NTRK2: variants seen among roughly 807,000 people sequenced by gnomAD.
NTRK2 encodes neurotrophic receptor tyrosine kinase 2, also known as BDNF/NT-3 growth factors receptor.
NTRK2 carries 13 observed loss-of-function variants against 94.5 expected under a neutral mutation model. The observed-to-expected ratio is 0.14, with a 90% CI of 0.09 to 0.22. The LOEUF (loss-of-function observed/expected upper bound fraction) is 0.22, where lower values mean the gene tolerates loss of function less well. Ranked by LOEUF, NTRK2 falls within the 10% of genes least tolerant of loss-of-function variation. The probability of loss-of-function intolerance (pLI) is 1.00; values close to 1 mark genes in which losing one functional copy is unlikely to be tolerated. For synonymous variants in NTRK2, 372 were observed against 407.4 expected (o/e 0.91, Z 1.05); for missense variants, 639 against 1,071.2 (o/e 0.60, Z 5.63).
intron 17 of NTRK2, among the ~76,000 whole-genome samples, chr9:84,970,739 C>A (rs1826096220): frequency 6.6e-6 from 1 of 152,216 alleles, no homozygotes; most frequent in Non-Finnish European, 1.5e-5. Flanking sequence ...AATCCCCCAT[C>A]CTATCCAGCA....
At chr9:84,992,455 C>A (rs1035257011) in intron 17 of NTRK2, among the ~76,000 whole-genome samples, 4 of 152,050 alleles carry the variant, frequency 2.6e-5, no homozygotes, top group South Asian at 4.2e-4. Flanking sequence ...CCTCTGATAC[C>A]AGTGCTCACT....
chr9:84,995,100 T>C (rs1292258562), intron 17 of NTRK2, among the ~76,000 whole-genome samples: 1 of 152,196 alleles, frequency 6.6e-6, no homozygotes, highest in Non-Finnish European at 1.5e-5. Context: ...CAGAAAACCC[T>C]TGGGAAAAGT....
chr9:84,753,578 G>A lies in NTRK2; in HGVS notation c.1396+1493G>A, dbSNP rs139644478. Among the ~76,000 whole-genome samples, 8 of 152,264 alleles carry A rather than the reference G, an allele frequency of 5.3e-5. No homozygotes were observed. In the East Asian group the frequency reaches 7.7e-4, roughly 15 times the overall value. Reference sequence around the variant, plus strand: ...GTGACAAGATGTTGGTAGAGACATCGCAAACCAAACTCACCCACAGCTTTG... The same window carrying A: ...GTGACAAGATGTTGGTAGAGACATCACAAACCAAACTCACCCACAGCTTTG... On this transcript the variant is annotated intron_variant, in intron 12 of 18. Coordinates refer to ENST00000277120, the MANE Select transcript of NTRK2 (RefSeq NM_006180.6).
At position 84,934,280 on chromosome 9, in the gene NTRK2, G is replaced by C. The variant is rs745611356; in HGVS notation, c.1752G>C (p.Leu584Phe). 46 of 1,613,886 alleles carry C rather than the reference G, an allele frequency of 2.9e-5. No individual in the cohort carries two copies. In the East Asian group the frequency reaches 1.0e-3, roughly 36 times the overall value. Reference sequence around the variant, plus strand: ...TCTGTCCTGAGCAGGACAAGATCTTGGTGGCAGTGAAGGTAAGAGAACATT... The same window carrying C: ...TCTGTCCTGAGCAGGACAAGATCTTCGTGGCAGTGAAGGTAAGAGAACATT... Reference protein sequence around the residue: ...YNLCPEQDKILVAVKTLKDAS... With the variant: ...YNLCPEQDKIFVAVKTLKDAS... Residue 584 changes from leucine to phenylalanine, a missense_variant, in exon 15 of 19, where the codon TTG (leucine) becomes TTC (phenylalanine). Coordinates refer to ENST00000277120, the MANE Select transcript of NTRK2 (RefSeq NM_006180.6).
At chr9:84,931,416 A>AAGAGAGAGAGAG (rs60534679) in intron 14 of NTRK2, among the ~76,000 whole-genome samples, 1 of 147,820 alleles carries the variant, frequency 6.8e-6, no homozygotes, top group Non-Finnish European at 1.5e-5. Flanking sequence ...CAAAAAAAAA[A>AAGAGAGAGAGAG]AGAGAGAGAG....
chr9:84,689,066 C>T (rs1474588920), intron 2 of NTRK2, among the ~76,000 whole-genome samples: 1 of 152,212 alleles, frequency 6.6e-6, no homozygotes, highest in African/African-American at 2.4e-5. Flanking sequence ...ATGTAGAATG[C>T]TTATAGCAGT....
At chr9:84,775,397 T>C (rs2066934911) in intron 12 of NTRK2, among the ~76,000 whole-genome samples, 2 of 152,228 alleles carry the variant, frequency 1.3e-5, no homozygotes, top group South Asian at 4.1e-4. Context: ...TTATTTTCCC[T>C]GTTATGCTTA....
At chr9:84,749,212 G>T (rs945378554) in intron 11 of NTRK2, among the ~76,000 whole-genome samples, 4 of 151,820 alleles carry the variant, frequency 2.6e-5, no homozygotes, top group African/African-American at 4.8e-5. Context: ...TAGGCAACAG[G>T]AGCGAAACTC....
In NTRK2 at chr9:84,782,062, A is replaced by ACT. The variant is rs1165433919; in HGVS notation, c.1396+29978_1396+29979insTC. 9.3e-5 allele frequency among the ~76,000 whole-genome samples: 14 copies of ACT among 151,040 alleles called. No homozygotes were observed. The East Asian group carries it at 1.8e-3, about 19-fold the overall frequency. On this transcript the variant is annotated intron_variant, in intron 12 of 18. Coordinates refer to ENST00000277120, the MANE Select transcript of NTRK2 (RefSeq NM_006180.6). Reference sequence around the variant, plus strand: ...AACACACACACACACACACACACACACACACAAACACACACACCCACAAAC... The same window carrying ACT: ...AACACACACACACACACACACACACACTCACACAAACACACACACCCACAAAC...
chr9:84,774,460 C>A (rs964399647), intron 12 of NTRK2, among the ~76,000 whole-genome samples: 6 of 152,194 alleles, frequency 3.9e-5, no homozygotes, highest in Non-Finnish European at 8.8e-5. Flanking sequence ...ACCCTTTCTG[C>A]ACATAAAGAA....
At chr9:84,779,388 C>A (rs183606206) in intron 12 of NTRK2, among the ~76,000 whole-genome samples, 119 of 152,300 alleles carry the variant, frequency 7.8e-4, no homozygotes, top group African/African-American at 2.8e-3. Context: ...GCTGTTGAGG[C>A]TAAGGCCAAA....
At chr9:84,936,286 G>A (rs1045559667) in intron 15 of NTRK2, among the ~76,000 whole-genome samples, 3 of 152,188 alleles carry the variant, frequency 2.0e-5, no homozygotes, top group African/African-American at 4.8e-5. Flanking sequence ...AGAGTGTGTT[G>A]CGTAGCTGAA....
chr9:84,673,109 A>G (rs979894682), intron 2 of NTRK2, among the ~76,000 whole-genome samples: 1 of 152,084 alleles, frequency 6.6e-6, no homozygotes, highest in Non-Finnish European at 1.5e-5. Flanking sequence ...GAGACAAAGT[A>G]TGTTTCTCTG....
chr9:84,872,534 C>G (rs1217523642), intron 14 of NTRK2: 1 of 1,065,392 alleles, frequency 9.4e-7, no homozygotes, highest in African/African-American at 1.6e-5. Context: ...TTTGTACTTG[C>G]AGAGCATGCC....
At chr9:84,806,425 G>T (rs1181198799) in intron 12 of NTRK2, among the ~76,000 whole-genome samples, 1 of 152,204 alleles carries the variant, frequency 6.6e-6, no homozygotes, top group African/African-American at 2.4e-5. Flanking sequence ...AGCAAAAGGG[G>T]TGTTTTAGGG....
In NTRK2 at chr9:84,815,039, C is replaced by T. The variant is rs139642895; in HGVS notation, c.1397-46001C>T. On this transcript the variant is annotated intron_variant, in intron 12 of 18. Transcript: ENST00000277120. ...GAATTTGCTGCCAGGTGCTGCCAGACTGAATTTGGCTGACAGAACTCCCAG... is the reference window on the plus strand; with the variant it reads ...GAATTTGCTGCCAGGTGCTGCCAGATTGAATTTGGCTGACAGAACTCCCAG... The T allele has an allele frequency of 7.5e-5, 79 of 1,058,990 alleles. 1 individual carries two copies. The Admixed American group carries it at 3.8e-3, about 51-fold the overall frequency. The allele number at this position is 1,058,990 out of a possible 1,614,324, so 65.6% of individuals were successfully genotyped here.
At chr9:84,911,015 G>A (rs186149224) in intron 14 of NTRK2, among the ~76,000 whole-genome samples, 20 of 152,242 alleles carry the variant, frequency 1.3e-4, no homozygotes, top group Middle Eastern at 3.4e-3. Flanking sequence ...GTGCTGAGTT[G>A]TCTAATCCAT....
intron 14 of NTRK2, among the ~76,000 whole-genome samples, chr9:84,892,258 A>G (rs2076617159): frequency 6.6e-6 from 1 of 152,214 alleles, no homozygotes; most frequent in Non-Finnish European, 1.5e-5. Context: ...CCCAAGCAGT[A>G]GGTTCCACAT....
chr9:84,742,841 C>T (rs1183602791), intron 10 of NTRK2, among the ~76,000 whole-genome samples: 1 of 130,508 alleles, frequency 7.7e-6, no homozygotes, highest in Non-Finnish European at 1.5e-5. Context: ...CACTTTGTTG[C>T]CCAGGCTGGA....
Sources: allele counts gnomAD v4.1 joint callset (sites outside exome capture counted in the v4.1 genomes callset), GRCh38; gene constraint gnomAD v4.1.1; transcripts MANE v1.5; gene names NCBI Gene and HGNC (gene_info 2026-07-23, HGNC 2026-07-21).